SH3PXD2B: variants seen among roughly 807,000 people sequenced by gnomAD.
The protein encoded by SH3PXD2B is SH3 and PX domains 2B, also known as SH3 and PX domain-containing protein 2B.
A neutral mutation model predicts 73.1 loss-of-function variants in SH3PXD2B; 37 were observed. The observed-to-expected ratio is 0.51, with a 90% CI of 0.39 to 0.67. The LOEUF (loss-of-function observed/expected upper bound fraction) is 0.67. SH3PXD2B is among the 30% of genes least tolerant of loss of function. The pLI is 0.00. For synonymous variants in SH3PXD2B, 457 were observed against 480.5 expected (o/e 0.95, Z 0.64); for missense variants, 1,053 against 1,197.8 (o/e 0.88, Z 1.78).
At chr5:172,414,625 C>T (rs1034778792) in intron 2 of SH3PXD2B, among the ~76,000 whole-genome samples, 20 of 151,970 alleles carry the variant, frequency 1.3e-4, no homozygotes, top group Non-Finnish European at 2.5e-4. Flanking sequence ...AAGAACTGCT[C>T]GAGCCGTAAG....
intron 2 of SH3PXD2B, among the ~76,000 whole-genome samples, chr5:172,409,820 A>C (rs1379655585): frequency 6.6e-6 from 1 of 152,056 alleles, no homozygotes; most frequent in Non-Finnish European, 1.5e-5. Context: ...GGTTCAAGCG[A>C]TTCTCCTGCC....
At chr5:172,444,362 C>CA (rs1356119509) in intron 1 of SH3PXD2B, among the ~76,000 whole-genome samples, 1 of 152,204 alleles carries the variant, frequency 6.6e-6, no homozygotes, top group Non-Finnish European at 1.5e-5. Context: ...CTGACAGCCC[C>CA]ACCTTTCCAA....
At chr5:172,343,903 G>T (rs1756917227) in intron 12 of SH3PXD2B, among the ~76,000 whole-genome samples, 1 of 151,666 alleles carries the variant, frequency 6.6e-6, no homozygotes, top group African/African-American at 2.4e-5. Context: ...CTTACTAGCT[G>T]TGTTACTAGA....
chr5:172,427,260 A>ATGAT (rs1287388325), intron 1 of SH3PXD2B, among the ~76,000 whole-genome samples: 2 of 152,252 alleles, frequency 1.3e-5, no homozygotes, highest in African/African-American at 4.8e-5. Context: ...CAAATACTGT[A>ATGAT]TGATTACAGG....
chr5:172,402,642 C>A (rs990996172), intron 3 of SH3PXD2B, among the ~76,000 whole-genome samples: 1 of 152,158 alleles, frequency 6.6e-6, no homozygotes, highest in African/African-American at 2.4e-5. Flanking sequence ...TAGAAAAGGA[C>A]CCACATTGAA....
intron 6 of SH3PXD2B, among the ~76,000 whole-genome samples, chr5:172,371,260 AG>A (rs1757697102): frequency 6.6e-6 from 1 of 152,214 alleles, no homozygotes; most frequent in Non-Finnish European, 1.5e-5. Context: ...TTTTAAGTAA[AG>A]GTTAGAAAAA....
intron 3 of SH3PXD2B, among the ~76,000 whole-genome samples, chr5:172,404,316 ATT>A (rs200906488): frequency 6.7e-6 from 1 of 150,254 alleles, no homozygotes; most frequent in African/African-American, 2.5e-5. Context: ...ATATATATAT[ATT>A]TTTTTTTGAG....
chr5:172,446,144 G>A (rs1387620260), intron 1 of SH3PXD2B, among the ~76,000 whole-genome samples: 1 of 152,130 alleles, frequency 6.6e-6, no homozygotes, highest in Non-Finnish European at 1.5e-5. Flanking sequence ...CTCGGCTTCT[G>A]GGCATTACCC....
chr5:172,386,908 G>A (rs1042864382), intron 4 of SH3PXD2B, among the ~76,000 whole-genome samples: 7 of 152,314 alleles, frequency 4.6e-5, no homozygotes, highest in African/African-American at 1.2e-4. Context: ...GATTACAGGC[G>A]TGAGCTGATA....
chr5:172,343,051 C>T (rs1273660415), intron 12 of SH3PXD2B, among the ~76,000 whole-genome samples: 5 of 152,296 alleles, frequency 3.3e-5, no homozygotes, highest in South Asian at 2.1e-4. Context: ...TTTTTGCAGC[C>T]GCAAGAGCTA....
chr5:172,339,763 G>A lies in SH3PXD2B; in HGVS notation c.1342C>T (p.Arg448Trp), dbSNP rs552171716. Residue 448 changes from arginine to tryptophan, a missense_variant, in exon 13 of 13, where the codon CGG becomes TGG. Around this residue, in one of 2 missense-constraint regions of SH3PXD2B, gnomAD observed 466 missense variants for 607.1 expected, o/e 0.77. Transcript: ENST00000311601. This position sits in a 1 kb window ranked among gnomAD's most constrained non-coding sequence, Gnocchi z 6.1. ...APLPHEVTQL[R>W]LGEAAALENN... ...TCCAGCGCTGCTGCTTCCCCCAGCCGGAGCTGGGTCACCTCGTGGGGCAGG... is the reference window on the plus strand; with the variant it reads ...TCCAGCGCTGCTGCTTCCCCCAGCCAGAGCTGGGTCACCTCGTGGGGCAGG... The A allele has an allele frequency of 3.5e-5, 56 of 1,613,176 alleles. No individual in the cohort carries two copies. Among genetic ancestry groups the A allele is most frequent in the South Asian group, 1.9e-4 (17 of 91,068 alleles).
At chr5:172,376,674 T>C (rs925134754) in intron 5 of SH3PXD2B, among the ~76,000 whole-genome samples, 1 of 152,082 alleles carries the variant, frequency 6.6e-6, no homozygotes, top group Non-Finnish European at 1.5e-5. Flanking sequence ...ATCACTGAGG[T>C]TGACCTTCAC....
intron 1 of SH3PXD2B, among the ~76,000 whole-genome samples, chr5:172,444,153 CCCATAGGGTCAGGTAATCCGGCTGGG>C (rs1331099587): frequency 6.6e-6 from 1 of 152,204 alleles, no homozygotes; most frequent in Non-Finnish European, 1.5e-5. Flanking sequence ...TCACACCTGG[CCCATAGGGTCAGGTAATCCGGCTGGG>C]CCAGTCAGAG....
At chr5:172,431,690 G>GCA (rs60568854) in intron 1 of SH3PXD2B, among the ~76,000 whole-genome samples, 10,731 of 151,750 alleles carry the variant, frequency 0.071, 1,230 homozygotes, top group African/African-American at 0.24. Flanking sequence ...GACACCCATT[G>GCA]CACACACACA....
At chr5:172,344,736 T>C (rs1020704526) in intron 12 of SH3PXD2B, among the ~76,000 whole-genome samples, 1 of 151,282 alleles carries the variant, frequency 6.6e-6, no homozygotes, top group Admixed American at 6.6e-5. Context: ...TTCACTCAGA[T>C]AATAGCAAAG....
intron 2 of SH3PXD2B, among the ~76,000 whole-genome samples, chr5:172,420,407 A>G (rs552278307): frequency 6.6e-6 from 1 of 152,236 alleles, no homozygotes; most frequent in Non-Finnish European, 1.5e-5. Context: ...GAAACCAGTT[A>G]GGAACACATT....
chr5:172,432,601 A>AT (rs1759273697), intron 1 of SH3PXD2B, among the ~76,000 whole-genome samples: 1 of 152,128 alleles, frequency 6.6e-6, no homozygotes, highest in Admixed American at 6.5e-5. Context: ...AAGTAGGCAA[A>AT]TTCGCAAACA....
At chr5:172,413,377 C>G (rs982903273) in intron 2 of SH3PXD2B, among the ~76,000 whole-genome samples, 5 of 152,260 alleles carry the variant, frequency 3.3e-5, no homozygotes, top group African/African-American at 4.8e-5. Context: ...CACCTCCGGT[C>G]TGTCCGCTTC....
Position 172,360,832 on chromosome 5 carries a change from C to CA in SH3PXD2B, c.562+1902dup, listed in dbSNP as rs1757385906. ...GGGCAACAGAGTGAGTCTCCGTCTC[C>CA]AAAAAAACTAAATAAGTAAAAAAAG... is the stretch of plus-strand genomic sequence containing the variant. On this transcript the variant is annotated intron_variant, in intron 7 of 12. Coordinates refer to ENST00000311601, the MANE Select transcript of SH3PXD2B (RefSeq NM_001017995.3). 7.9e-5 allele frequency among the ~76,000 whole-genome samples: 12 copies of CA among 151,920 alleles called. No individual in the cohort carries two copies. In the South Asian group the frequency reaches 2.5e-3, roughly 32 times the overall value.
Sources: allele counts gnomAD v4.1 joint callset (sites outside exome capture counted in the v4.1 genomes callset), GRCh38; gene constraint gnomAD v4.1.1; regional missense constraint gnomAD v4.1.1; non-coding constraint Gnocchi (gnomAD v3.1); transcripts MANE v1.5; gene names NCBI Gene and HGNC (gene_info 2026-07-23, HGNC 2026-07-21).